The following SLC2A13 variants were observed in gnomAD, a reference collection of about 807,000 sequenced individuals.
The protein encoded by SLC2A13 is solute carrier family 2 member 13.
A neutral mutation model predicts 64.4 loss-of-function variants in SLC2A13; 32 were observed. The observed-to-expected ratio is 0.50, with a 90% CI of 0.37 to 0.67. The LOEUF is 0.67. SLC2A13 is among the 30% of genes least tolerant of loss of function. SLC2A13 has a pLI of 0.00. For missense variants in SLC2A13, 743 were observed against 829.2 expected (o/e 0.90, Z 1.28); for synonymous variants, 338 against 327.1 (o/e 1.03, Z -0.36).
intron 7 of SLC2A13, among the ~76,000 whole-genome samples, chr12:39,779,321 C>T (rs1940891806): frequency 6.6e-6 from 1 of 152,196 alleles, no homozygotes. Context: ...CTGATTGCAG[C>T]ATCCTCCCCA....
chr12:39,925,459 A>G (rs2136063560), intron 4 of SLC2A13, among the ~76,000 whole-genome samples: 1 of 152,296 alleles, frequency 6.6e-6, no homozygotes, highest in South Asian at 2.1e-4. Context: ...TTATTTACCA[A>G]AAAAGGTAGT....
At chr12:39,769,944 C>T (rs1940501621) in intron 7 of SLC2A13, among the ~76,000 whole-genome samples, 1 of 152,042 alleles carries the variant, frequency 6.6e-6, no homozygotes, top group Admixed American at 6.6e-5. Flanking sequence ...TCCTAACATA[C>T]AAATTCAGGT....
At chr12:39,797,921 A>C (rs959253931) in intron 7 of SLC2A13, among the ~76,000 whole-genome samples, 6 of 152,198 alleles carry the variant, frequency 3.9e-5, no homozygotes, top group African/African-American at 1.4e-4. Flanking sequence ...AATATCCCCC[A>C]GTGATCTTAC....
At chr12:39,806,453 A>AT (rs1566812009) in intron 7 of SLC2A13, among the ~76,000 whole-genome samples, 1 of 152,186 alleles carries the variant, frequency 6.6e-6, no homozygotes, top group African/African-American at 2.4e-5. Context: ...TACAGGATAT[A>AT]TATTTTCCCT....
At chr12:39,772,311 G>A (rs1940611392) in intron 7 of SLC2A13, among the ~76,000 whole-genome samples, 1 of 152,128 alleles carries the variant, frequency 6.6e-6, no homozygotes, top group African/African-American at 2.4e-5. Context: ...TAAAATAAGA[G>A]TCCATATAGG....
intron 7 of SLC2A13, among the ~76,000 whole-genome samples, chr12:39,790,494 T>C (rs1392954560): frequency 6.6e-6 from 1 of 151,148 alleles, no homozygotes; most frequent in Non-Finnish European, 1.5e-5. Context: ...CTTGTGATAG[T>C]TTGCTGAGAA....
intron 7 of SLC2A13, among the ~76,000 whole-genome samples, chr12:39,798,664 G>A (rs1941664639): frequency 6.6e-6 from 1 of 152,116 alleles, no homozygotes; most frequent in Non-Finnish European, 1.5e-5. Flanking sequence ...GAACAGCCCG[G>A]GCTAGTGCTG....
chr12:39,968,760 G>GTATATATATA (rs56838055), intron 3 of SLC2A13, among the ~76,000 whole-genome samples: 8 of 59,860 alleles, frequency 1.3e-4, no homozygotes, highest in Non-Finnish European at 3.6e-4. Flanking sequence ...TTTTTTTTTG[G>GTATATATATA]TATATATATA....
intron 7 of SLC2A13, among the ~76,000 whole-genome samples, chr12:39,827,238 G>A (rs1299400665): frequency 6.6e-6 from 1 of 151,896 alleles, no homozygotes; most frequent in Non-Finnish European, 1.5e-5. Context: ...CTTCACAAAG[G>A]CAGTGTGAAA....
At chr12:40,017,763 T>C (rs1023127439) in intron 3 of SLC2A13, among the ~76,000 whole-genome samples, 1 of 152,210 alleles carries the variant, frequency 6.6e-6, no homozygotes, top group East Asian at 1.9e-4. Flanking sequence ...GGCTGGGCCT[T>C]GAAGAAGCAA....
chr12:40,073,324 A>C (rs28365169), intron 1 of SLC2A13, among the ~76,000 whole-genome samples: 4,303 of 152,226 alleles, frequency 0.028, 177 homozygotes, highest in Admixed American at 0.11. Context: ...AGCAAGGAGA[A>C]AAAATACTGG....
intron 3 of SLC2A13, among the ~76,000 whole-genome samples, chr12:40,023,839 C>G (rs1592016359): frequency 6.6e-6 from 1 of 152,214 alleles, no homozygotes; most frequent in Admixed American, 6.5e-5. Context: ...GTGATGGGTT[C>G]CATGAAGCCA....
chr12:40,051,956 G>A (rs1354400744), intron 1 of SLC2A13, among the ~76,000 whole-genome samples: 2 of 152,144 alleles, frequency 1.3e-5, no homozygotes, highest in Non-Finnish European at 2.9e-5. Flanking sequence ...CACGTACAGT[G>A]GCAGCAATGG....
intron 3 of SLC2A13, among the ~76,000 whole-genome samples, chr12:39,979,116 T>C (rs1471541188): frequency 6.6e-6 from 1 of 151,602 alleles, no homozygotes; most frequent in African/African-American, 2.4e-5. Flanking sequence ...GAGGGTCCTG[T>C]CTGTTAGAAG....
chr12:39,987,728 A>G (rs370236542), intron 3 of SLC2A13, among the ~76,000 whole-genome samples: 77 of 152,280 alleles, frequency 5.1e-4, no homozygotes, highest in African/African-American at 1.5e-3. Context: ...CTTGTAATAA[A>G]GCATCATCGG....
intron 4 of SLC2A13, among the ~76,000 whole-genome samples, chr12:39,900,812 T>A (rs1945076696): frequency 6.6e-6 from 1 of 152,218 alleles, no homozygotes; most frequent in African/African-American, 2.4e-5. Flanking sequence ...TACCAATGAC[T>A]TTCTTCACAG....
At chr12:39,765,349 C>G (rs937081506) in intron 7 of SLC2A13, among the ~76,000 whole-genome samples, 2 of 151,982 alleles carry the variant, frequency 1.3e-5, no homozygotes, top group Non-Finnish European at 2.9e-5. Flanking sequence ...TTCCAAATAG[C>G]CCTCTCCCTT....
Position 39,801,417 on chromosome 12 carries a change from G to A in SLC2A13, c.1445+28686C>T, listed in dbSNP as rs1051763840. On this transcript the variant is annotated intron_variant, in intron 7 of 9. Coordinates refer to ENST00000280871, the MANE Select transcript of SLC2A13 (RefSeq NM_052885.4). ...GCATAAACAAAACATAAAGCAAACA[G>A]CCATAAACAAAAGAGAGTTTTCCCA... Among the ~76,000 whole-genome samples, 74 of 150,098 alleles carry A rather than the reference G, an allele frequency of 4.9e-4. 1 individual carries two copies. The highest frequency in any genetic ancestry group is 3.2e-3 in the Middle Eastern group (1 of 308).
rs927902647 is a variant in SLC2A13 at position 39,922,711 on chromosome 12, C to A, written c.1034+28546G>T. Among the ~76,000 whole-genome samples, 6 of 152,122 alleles carry A rather than the reference C, an allele frequency of 3.9e-5. No individual in the cohort carries two copies. In the South Asian group the frequency reaches 1.2e-3, roughly 32 times the overall value. The stretch of plus-strand genomic sequence containing the variant: ...GTCTTGCAAAACACAAAGGGTCAAG[C>A]CTATTGCATTTTACATTGCCAAACT... On this transcript the variant is annotated intron_variant, in intron 4 of 9. Transcript: ENST00000280871.
Sources: gnomAD v4.1 joint callset for allele counts (sites outside exome capture counted in the v4.1 genomes callset) on GRCh38, gnomAD v4.1.1 for gene constraint, MANE v1.5 for transcripts, NCBI Gene and HGNC (gene_info 2026-07-23, HGNC 2026-07-21) for gene names.